The following CTBP2 variants were observed in gnomAD, a reference collection of about 807,000 sequenced individuals.
The protein encoded by CTBP2 is C-terminal-binding protein 2.
Under a neutral mutation model 80.3 loss-of-function variants are expected in CTBP2, and 30 were observed. The observed-to-expected ratio is 0.37, with a 90% CI of 0.28 to 0.51. The LOEUF is 0.51. Among genes scored for constraint, CTBP2 ranks in the 20% least tolerant of loss-of-function variants. CTBP2 has a pLI of 0.93. For synonymous variants in CTBP2, 594 were observed against 587.4 expected (o/e 1.01, Z -0.16); for missense variants, 1,212 against 1,375.3 (o/e 0.88, Z 1.88).
chr10:125,011,246 G>A (rs534023911), intron 1 of CTBP2, among the ~76,000 whole-genome samples: 13 of 152,328 alleles, frequency 8.5e-5, no homozygotes, highest in African/African-American at 3.1e-4. Flanking sequence ...AAAGTCAGCT[G>A]GAGGTTTGGT....
chr10:125,033,600 C>T (rs571520900), intron 3 of CTBP2, among the ~76,000 whole-genome samples: 1 of 152,332 alleles, frequency 6.6e-6, no homozygotes, highest in Admixed American at 6.5e-5. Context: ...TCTCCGCATT[C>T]GTGCGGGCTG....
intron 1 of CTBP2, among the ~76,000 whole-genome samples, chr10:125,126,930 C>T (rs546437024): frequency 6.6e-6 from 1 of 151,708 alleles, no homozygotes; most frequent in African/African-American, 2.4e-5. Context: ...CACATTCTCT[C>T]TCTCTCTCTC....
Position 125,118,182 on chromosome 10 carries a change from T to C in CTBP2, c.-205-7089A>G, listed in dbSNP as rs118057625. ...TTGTCTCAGATGTAGTCAATTAATG[T>C]GACCATTCCCCTGCTCTTTCAGCTT... On this transcript the variant is annotated intron_variant, in intron 1 of 10. Coordinates refer to the CTBP2 transcript ENST00000337195. Among the ~76,000 whole-genome samples, 36 of 151,552 alleles carry C rather than the reference T, an allele frequency of 2.4e-4. 1 individual carries two copies. In the East Asian group the frequency reaches 6.8e-3, roughly 28 times the overall value.
intron 1 of CTBP2, among the ~76,000 whole-genome samples, chr10:125,135,786 G>T (rs1378934400): frequency 6.6e-6 from 1 of 152,098 alleles, no homozygotes; most frequent in African/African-American, 2.4e-5. Flanking sequence ...GTGTGGCCCT[G>T]GGTGCCCCTG....
intron 1 of CTBP2, among the ~76,000 whole-genome samples, chr10:125,119,475 G>A (rs970668354): frequency 6.6e-6 from 1 of 152,080 alleles, no homozygotes; most frequent in South Asian, 2.1e-4. Flanking sequence ...AGCTGTACAG[G>A]GATATGTCAG....
At chr10:125,130,041 C>T (rs1008297191) in intron 1 of CTBP2, among the ~76,000 whole-genome samples, 6 of 143,216 alleles carry the variant, frequency 4.2e-5, no homozygotes, top group East Asian at 2.1e-4. Context: ...GGATTTCTCT[C>T]TTTTTTTTTT....
intron 2 of CTBP2, among the ~76,000 whole-genome samples, chr10:125,094,318 G>T (rs909082495): frequency 3.3e-5 from 5 of 152,180 alleles, no homozygotes; most frequent in African/African-American, 1.2e-4. Context: ...GCACTGTCAT[G>T]AACACCCATG....
rs1350494982 is a variant in CTBP2, at chr10:125,159,291, A to G, written c.-206+1028T>C. ...TTCTTTTTGATTCGCCCCACCCGAAAAGTGCGGCCCGGGCGGGGAAGGTGG... is the reference window on the plus strand; with the variant it reads ...TTCTTTTTGATTCGCCCCACCCGAAGAGTGCGGCCCGGGCGGGGAAGGTGG... On this transcript the variant is annotated intron_variant, in intron 1 of 10. Coordinates refer to the CTBP2 transcript ENST00000337195. Among the ~76,000 whole-genome samples, 3 of 148,348 alleles carry G rather than the reference A, an allele frequency of 2.0e-5. No individual in the cohort carries two copies. The East Asian group carries it at 6.1e-4, about 30-fold the overall frequency.
At chr10:125,003,575 T>G in intron 1 of CTBP2, 83 bp from the exon 4 acceptor site, 7 of 1,180,402 alleles carry the variant, frequency 5.9e-6, no homozygotes, top group Non-Finnish European at 8.2e-6. Flanking sequence ...CACTCATCAC[T>G]CAGGGCAGGG....
chr10:125,023,830 TC>T (rs2134630883), intron 1 of CTBP2, among the ~76,000 whole-genome samples: 1 of 151,358 alleles, frequency 6.6e-6, no homozygotes, highest in Non-Finnish European at 1.5e-5. Context: ...CTGAAAACAA[TC>T]CCCAAACCCC....
intron 2 of CTBP2, among the ~76,000 whole-genome samples, chr10:125,048,353 A>AG (rs1961786042): frequency 6.6e-6 from 1 of 152,158 alleles, no homozygotes; most frequent in Non-Finnish European, 1.5e-5. Flanking sequence ...AAGCACCTGG[A>AG]GAAAATAAGA....
chr10:125,122,320 CA>C (rs1464295941), intron 1 of CTBP2, among the ~76,000 whole-genome samples: 2 of 152,198 alleles, frequency 1.3e-5, no homozygotes, highest in Admixed American at 6.5e-5. Context: ...TATAAATACA[CA>C]CAAGTATGTA....
intron 1 of CTBP2, among the ~76,000 whole-genome samples, chr10:125,146,721 G>GCCATTTCAAGC (rs1858847065): frequency 6.6e-6 from 1 of 152,152 alleles, no homozygotes; most frequent in African/African-American, 2.4e-5. Flanking sequence ...TCACGCACAT[G>GCCATTTCAAGC]ACCTACTATT....
intron 2 of CTBP2, among the ~76,000 whole-genome samples, chr10:125,059,252 C>T (rs74163320): frequency 1.7e-3 from 262 of 152,128 alleles, no homozygotes; most frequent in African/African-American, 6.0e-3. Flanking sequence ...TATGAAGGTA[C>T]GTGAGGGGTA....
chr10:125,013,951 T>C (rs1379770219), intron 1 of CTBP2, among the ~76,000 whole-genome samples: 4 of 152,154 alleles, frequency 2.6e-5, no homozygotes, highest in Non-Finnish European at 5.9e-5. Context: ...TGCAGGAATG[T>C]GATTGTTCGA....
Position 125,056,205 on chromosome 10 carries a change from A to G in CTBP2, c.-101-17050T>C, listed in dbSNP as rs139645705. Among the ~76,000 whole-genome samples the G allele has an allele frequency of 4.2e-3, 638 of 150,660 alleles. 4 individuals carry two copies. Among genetic ancestry groups the G allele is most frequent in the African/African-American group, 0.015 (604 of 41,210 alleles). On this transcript the variant is annotated intron_variant, in intron 2 of 10. Coordinates refer to the CTBP2 transcript ENST00000337195. ...AATAATAATAATAATAGTAATAATAATAATAATAACTAATAAACAAAAGCA... is the reference window on the plus strand; with the variant it reads ...AATAATAATAATAATAGTAATAATAGTAATAATAACTAATAAACAAAAGCA...
chr10:125,136,215 G>A (rs1393239580), intron 1 of CTBP2, among the ~76,000 whole-genome samples: 1 of 152,184 alleles, frequency 6.6e-6, no homozygotes, highest in South Asian at 2.1e-4. Context: ...CCTCCTAGGG[G>A]AGGGTGAGCT....
At chr10:125,036,668 G>GGT (rs59284647) in intron 3 of CTBP2, among the ~76,000 whole-genome samples, 2,066 of 119,204 alleles carry the variant, frequency 0.017, 11 homozygotes, top group East Asian at 0.055. Flanking sequence ...AGCTAGAGGG[G>GGT]GTGTGTGTGT....
chr10:124,992,603 GGAGGTTAAGCT>G, intron 8 of CTBP2, 81 bp downstream of exon 10: 2 of 792,356 alleles, frequency 2.5e-6, no homozygotes, highest in Admixed American at 5.1e-5. Context: ...AGCATCTGCG[GGAGGTTAAGCT>G]TCCGCCAAGT....
Sources: gnomAD v4.1 joint callset for allele counts (sites outside exome capture counted in the v4.1 genomes callset) on GRCh38, gnomAD v4.1.1 for gene constraint, MANE v1.5 for transcripts, NCBI Gene and HGNC (gene_info 2026-07-23, HGNC 2026-07-21) for gene names.